MYOM1: variants seen among roughly 807,000 people sequenced by gnomAD.
MYOM1 encodes myomesin-1.
Under a neutral mutation model 205.3 loss-of-function variants are expected in MYOM1, and 164 were observed. That is an observed-to-expected ratio of 0.80 (90% CI 0.70 to 0.91). The LOEUF is 0.91. MYOM1 is among the 40% of genes least tolerant of loss of function. The pLI, the probability that MYOM1 is intolerant of heterozygous loss-of-function variation, is 0.00. For missense variants in MYOM1, 2,011 were observed against 2,127.3 expected (o/e 0.95, Z 1.08); for synonymous variants, 772 against 789.4 (o/e 0.98, Z 0.37).
intron 17 of MYOM1, among the ~76,000 whole-genome samples, chr18:3,131,168 T>G (rs1270985811): frequency 6.6e-6 from 1 of 152,172 alleles, no homozygotes; most frequent in East Asian, 1.9e-4. Context: ...AGGCTATGGA[T>G]GCACAGAATC....
chr18:3,100,370 T>G lies in MYOM1; in HGVS notation c.3632A>C (p.Asp1211Ala), dbSNP rs753860003. The G allele has an allele frequency of 5.6e-6, 9 of 1,613,980 alleles. No homozygotes were observed. The Admixed American group carries it at 1.5e-4, about 27-fold the overall frequency. Residue 1211 changes from aspartate to alanine, a missense_variant, in exon 24 of 38, where the codon GAT becomes GCT. Transcript: ENST00000356443. ...GMDDLGIYSC[D>A]VTDTDGIASS... is the part of the protein sequence containing the mutation. ...TGCTATTCCATCAGTGTCTGTTACA[T>G]CGCAAGAGTAAATACCCAAGTCATC...
In MYOM1 at chr18:3,102,613, C is replaced by T; in HGVS notation, c.3436G>A (p.Val1146Ile). Residue 1146 changes from valine to isoleucine, a missense_variant, in exon 23 of 38, where the codon GTA (valine) becomes ATA (isoleucine). Transcript: ENST00000356443. ...ATGACTCCATCATCATCCACATTTA[C>T]AACAACCTCTTTGGTTCCTACAAGA... Reference protein sequence around the residue: ...ETRPGTKEVVVNVDDDGVISL... With the variant: ...ETRPGTKEVVINVDDDGVISL... 1 of 1,613,474 alleles carries T rather than the reference C, an allele frequency of 6.2e-7. No individual in the cohort carries two copies. The highest frequency in any genetic ancestry group is 8.5e-7 in the Non-Finnish European group (1 of 1,179,682).
chr18:3,208,671 T>C (rs9966747), intron 2 of MYOM1, among the ~76,000 whole-genome samples: 40,937 of 152,156 alleles, frequency 0.27, 6,524 homozygotes, highest in African/African-American at 0.46. Context: ...AAGACAAACC[T>C]TAGAATATTG....
At chr18:3,144,230 G>T (rs2080092784) in intron 13 of MYOM1, among the ~76,000 whole-genome samples, 1 of 151,944 alleles carries the variant, frequency 6.6e-6, no homozygotes, top group Admixed American at 6.6e-5. Flanking sequence ...AAAAGGCACT[G>T]TTGTAAATTC....
At chr18:3,145,693 A>G (rs542736226) in intron 13 of MYOM1, among the ~76,000 whole-genome samples, 2 of 152,246 alleles carry the variant, frequency 1.3e-5, no homozygotes, top group Admixed American at 6.5e-5. Context: ...CTTCAAATTA[A>G]GGACCTCAGC....
intron 5 of MYOM1, among the ~76,000 whole-genome samples, chr18:3,183,552 A>G (rs80246212): frequency 0.046 from 7,074 of 152,262 alleles, 534 homozygotes; most frequent in African/African-American, 0.16. Flanking sequence ...TGCCGGAGAC[A>G]GGCCCGCCAC....
At chr18:3,225,675 C>T in the MYOM1 span, among the ~76,000 whole-genome samples, 5 of 152,120 alleles carry the variant, frequency 3.3e-5, no homozygotes, top group Non-Finnish European at 7.4e-5. Flanking sequence ...TCTTAAATGC[C>T]GAACATGTCC....
chr18:3,113,298 C>CTATATATATATA (rs70964105), intron 21 of MYOM1, among the ~76,000 whole-genome samples: 2 of 145,238 alleles, frequency 1.4e-5, no homozygotes, highest in African/African-American at 5.3e-5. Context: ...GTGTTTGTGT[C>CTATATATATATA]TATATATATA....
intron 10 of MYOM1, among the ~76,000 whole-genome samples, chr18:3,163,039 A>C (rs1220930087): frequency 2.0e-5 from 3 of 152,016 alleles, no homozygotes; most frequent in Non-Finnish European, 2.9e-5. Flanking sequence ...AAAAACAAAA[A>C]AAAACAAAAA....
Position 3,176,118 on chromosome 18 carries a change from G to C in MYOM1, c.946C>G (p.Pro316Ala). The change falls in exon 6 of 38, where the codon CCA (proline) becomes GCA (alanine). Residue 316 changes from proline (P) to alanine (A), a missense_variant. Pro to Ala is a conservative substitution (Grantham distance 27). Coordinates refer to ENST00000356443, the MANE Select transcript of MYOM1 (RefSeq NM_003803.4). ...PRVTWYKNQV[P>A]INVHANPGKY... Reference sequence around the variant, plus strand: ...CCAGGGTTTGCATGGACATTTATTGGCACCTGGTTTTTATACCTATAACAG... The same window carrying C: ...CCAGGGTTTGCATGGACATTTATTGCCACCTGGTTTTTATACCTATAACAG... 6.2e-7 allele frequency: 1 copy of C among 1,607,036 alleles called. No individual in the cohort carries two copies.
At chr18:3,125,486 G>A (rs2079765932) in intron 19 of MYOM1, among the ~76,000 whole-genome samples, 1 of 151,640 alleles carries the variant, frequency 6.6e-6, no homozygotes, top group Admixed American at 6.6e-5. Context: ...AGGCGCAGTG[G>A]CTCACGCTTG....
At chr18:3,245,189 A>C in the MYOM1 span, among the ~76,000 whole-genome samples, 19 of 152,330 alleles carry the variant, frequency 1.2e-4, no homozygotes, top group Admixed American at 7.8e-4. Flanking sequence ...AATTGAAAAG[A>C]ACAGAATAGA....
At position 3,219,123 on chromosome 18, in the gene MYOM1, A is replaced by C. The variant is rs1237057233; in HGVS notation, c.-29+680T>G. Among the ~76,000 whole-genome samples, 1 of 152,158 alleles carries C rather than the reference A, an allele frequency of 6.6e-6. No individual in the cohort carries two copies. The highest frequency in any genetic ancestry group is 1.9e-4 in the East Asian group (1 of 5,196). On this transcript the variant is annotated intron_variant, in intron 1 of 37. Coordinates refer to ENST00000356443, the MANE Select transcript of MYOM1 (RefSeq NM_003803.4). This position sits in a 1 kb window ranked among gnomAD's most constrained non-coding sequence, Gnocchi z 4.4. ...AGTGTCTTTTGTTTCTTTAAGACCT[A>C]AATTTTCTTTCTGAAAATAATTTGA...
chr18:3,163,537 C>T (rs905074452), intron 10 of MYOM1, among the ~76,000 whole-genome samples: 2 of 151,648 alleles, frequency 1.3e-5, no homozygotes, highest in African/African-American at 2.4e-5. Flanking sequence ...ACTTGAACTT[C>T]TGCCTGCCAG....
rs752679527 is a variant in MYOM1 at position 3,129,300 on chromosome 18, G to A, written c.2726C>T (p.Pro909Leu). The change falls in exon 18 of 38, where the codon CCG (proline) becomes CTG (leucine). Residue 909 changes from proline (P) to leucine (L), a missense_variant. Pro to Leu is a moderately conservative substitution (Grantham distance 98, BLOSUM62 -3). Transcript: ENST00000356443. ...CTGAGGAGCCGCTTTCTGTGGTGGC[G>A]GGGTAAGCTCTTCCTGAACTGTTTC... ...VSETVQEELT[P>L]PPQKAAPQGK... 7 of 1,613,822 alleles carry A rather than the reference G, an allele frequency of 4.3e-6. No homozygotes were observed. Among genetic ancestry groups the A allele is most frequent in the South Asian group, 1.1e-5 (1 of 91,084 alleles).
In MYOM1 at chr18:3,176,079, C is replaced by T. The variant is rs1555627019; in HGVS notation, c.985G>A (p.Glu329Lys). 6.2e-7 allele frequency: 1 copy of T among 1,607,782 alleles called. No individual in the cohort carries two copies. The highest frequency in any genetic ancestry group is 1.7e-5 in the Admixed American group (1 of 59,996). Residue 329 changes from glutamate to lysine, a missense_variant, in exon 6 of 38, where the codon GAG (glutamate) becomes AAG (lysine). By Grantham distance (56) the Glu-to-Lys change is moderately conservative. Coordinates refer to ENST00000356443, the MANE Select transcript of MYOM1 (RefSeq NM_003803.4). ...AGAGTGTGCATCCCATATCGACTCT[C>T]AATAATATACTTTCCAGGGTTTGCA... The part of the protein sequence containing the change: ...VHANPGKYII[E>K]SRYGMHTLEI...
chr18:3,191,939 G>A (rs186536824), intron 3 of MYOM1, among the ~76,000 whole-genome samples: 2,399 of 152,054 alleles, frequency 0.016, 62 homozygotes, highest in African/African-American at 0.052. Context: ...ATTGTGATCT[G>A]CCCGCCTCAG....
Position 3,181,661 on chromosome 18 carries a change from TA to T in MYOM1, c.930-5528del, listed in dbSNP as rs545578906. On this transcript the variant is annotated intron_variant, in intron 5 of 37. Transcript: ENST00000356443. ...ACTATTTTATTCCTAGGTTTTGAAT[TA>T]TTATAATGGGCTTAATGACACATTT... 8.5e-5 allele frequency among the ~76,000 whole-genome samples: 13 copies of T among 152,284 alleles called. No individual in the cohort carries two copies. In the East Asian group the frequency reaches 2.5e-3, roughly 29 times the overall value.
chr18:3,141,895 T>C (rs1398570602), intron 14 of MYOM1, 44 bp downstream of exon 14: 3 of 1,609,862 alleles, frequency 1.9e-6, no homozygotes, highest in East Asian at 4.5e-5. Flanking sequence ...TCTAAAGAAA[T>C]CCTTAGGAGG....
Sources: gnomAD v4.1 joint callset for allele counts (sites outside exome capture counted in the v4.1 genomes callset) on GRCh38, gnomAD v4.1.1 for gene constraint, Gnocchi (gnomAD v3.1) non-coding constraint, MANE v1.5 for transcripts, NCBI Gene and HGNC (gene_info 2026-07-23, HGNC 2026-07-21) for gene names.